The following DNAH11 variants were observed in gnomAD, a reference collection of about 807,000 sequenced individuals.
The protein encoded by DNAH11 is axonemal beta dynein heavy chain 11.
Under a neutral mutation model 526.0 loss-of-function variants are expected in DNAH11, and 442 were observed. The observed-to-expected ratio is 0.84, with a 90% CI of 0.78 to 0.91. DNAH11 has a LOEUF of 0.91. DNAH11 is among the 40% of genes least tolerant of loss of function. The pLI is 0.00. For missense variants in DNAH11, 6,989 were observed against 5,448.7 expected (o/e 1.28, Z -8.90); for synonymous variants, 2,461 against 1,935.9 (o/e 1.27, Z -7.12).
Position 21,787,449 on chromosome 7 carries a change from C to G in DNAH11, c.9790C>G (p.Pro3264Ala), listed in dbSNP as rs571709285. Residue 3264 changes from proline to alanine, a missense_variant, in exon 60 of 82, where the codon CCA becomes GCA. Transcript: ENST00000409508. ...ALINYDKEHI[P>A]ENCLKVVNEH... ...AATTAACTATGACAAAGAGCACATT[C>G]CAGAGAACTGTCTAAAAGTGGTGAA... 13 of 1,613,030 alleles carry G rather than the reference C, an allele frequency of 8.1e-6. No individual in the cohort carries two copies. The highest frequency in any genetic ancestry group is 1.0e-5 in the Non-Finnish European group (12 of 1,179,452).
chr7:21,783,126 ATCTGTAGCAGTGT>A (rs1788026085), intron 57 of DNAH11, among the ~76,000 whole-genome samples: 1 of 152,156 alleles, frequency 6.6e-6, no homozygotes, highest in Non-Finnish European at 1.5e-5. Flanking sequence ...AAACTCTTTT[ATCTGTAGCAGTGT>A]TCTGTAGCAT....
At chr7:21,754,531 T>C (rs1786542844) in intron 54 of DNAH11, among the ~76,000 whole-genome samples, 1 of 152,078 alleles carries the variant, frequency 6.6e-6, no homozygotes, top group Non-Finnish European at 1.5e-5. Flanking sequence ...CAATACAAGA[T>C]GGAATTTATT....
At chr7:21,865,092 A>G (rs1783221945) in intron 70 of DNAH11, among the ~76,000 whole-genome samples, 1 of 151,522 alleles carries the variant, frequency 6.6e-6, no homozygotes, top group Non-Finnish European at 1.5e-5. Flanking sequence ...AATGTTTAAG[A>G]AAAACAGAAT....
intron 36 of DNAH11, among the ~76,000 whole-genome samples, chr7:21,701,097 TAAACAA>T (rs1391351815): frequency 6.6e-6 from 1 of 151,516 alleles, no homozygotes; most frequent in Non-Finnish European, 1.5e-5. Context: ...TCCCGAAACT[TAAACAA>T]CAACAACAAC....
At chr7:21,893,014 C>T (rs1435046594) in intron 77 of DNAH11, among the ~76,000 whole-genome samples, 1 of 152,152 alleles carries the variant, frequency 6.6e-6, no homozygotes, top group Non-Finnish European at 1.5e-5. Flanking sequence ...TGTTCATGTA[C>T]CAATGGTTCA....
intron 18 of DNAH11, among the ~76,000 whole-genome samples, chr7:21,605,471 A>G (rs1396583624): frequency 1.3e-5 from 2 of 152,206 alleles, no homozygotes; most frequent in Admixed American, 1.3e-4. Flanking sequence ...GGGAGAGCAG[A>G]GTTGAGTTGG....
intron 54 of DNAH11, among the ~76,000 whole-genome samples, chr7:21,763,167 C>A (rs1371838086): frequency 6.6e-6 from 1 of 151,734 alleles, no homozygotes; most frequent in East Asian, 1.9e-4. Flanking sequence ...CATAGTAAAA[C>A]CCTGTCTCTA....
chr7:21,886,057 C>A (rs987280845), intron 76 of DNAH11, among the ~76,000 whole-genome samples: 3 of 152,160 alleles, frequency 2.0e-5, no homozygotes, highest in Non-Finnish European at 4.4e-5. Context: ...CGTAAAGCAC[C>A]TGTACACCAT....
chr7:21,684,935 C>T (rs1783306572), intron 32 of DNAH11, among the ~76,000 whole-genome samples: 3 of 152,152 alleles, frequency 2.0e-5, no homozygotes, highest in African/African-American at 4.8e-5. Context: ...AGCTGCATGC[C>T]CAATTATCCA....
At chr7:21,568,550 G>A (rs1380075754) in intron 6 of DNAH11, among the ~76,000 whole-genome samples, 2 of 152,148 alleles carry the variant, frequency 1.3e-5, no homozygotes, top group African/African-American at 4.8e-5. Context: ...CGTGCAAGGA[G>A]ACAGACTGAG....
Position 21,600,863 on chromosome 7 carries a change from A to G in DNAH11, c.3188A>G (p.Glu1063Gly), listed in dbSNP as rs772305648. The change falls in exon 16 of 82, where the codon GAA (glutamate) becomes GGA (glycine). Residue 1063 changes from glutamate to glycine, a missense_variant. Physicochemically the swap from Glu to Gly is moderately conservative, Grantham distance 98. Transcript: ENST00000409508. ...TATGGCCATGCTGTGTCTTCCGATG[A>G]AATGGATGCTCATGCAAATGAAGAA... is the stretch of plus-strand genomic sequence containing the variant. ...LLYGHAVSSD[E>G]MDAHANEEIP... The G allele has an allele frequency of 6.2e-7, 1 of 1,613,976 alleles. No homozygotes were observed. Among genetic ancestry groups the G allele is most frequent in the South Asian group, 1.1e-5 (1 of 91,086 alleles).
intron 30 of DNAH11, among the ~76,000 whole-genome samples, chr7:21,668,957 C>T (rs1207567008): frequency 6.6e-6 from 1 of 152,164 alleles, no homozygotes; most frequent in Admixed American, 6.5e-5. Flanking sequence ...AACCGAATTT[C>T]AGTTGCTTTA....
At position 21,784,523 on chromosome 7, in the gene DNAH11, C is replaced by G; in HGVS notation, c.9580C>G (p.Leu3194Val). 6.2e-7 allele frequency: 1 copy of G among 1,609,672 alleles called. No individual in the cohort carries two copies. The highest frequency in any genetic ancestry group is 8.5e-7 in the Non-Finnish European group (1 of 1,177,640). ...EPALVAATAA[L>V]NTLNRVNLSE... Reference sequence around the variant, plus strand: ...TGCACTGGTGGCTGCTACAGCTGCACTCAATACACTCAACAGGGTAAAGAT... The same window carrying G: ...TGCACTGGTGGCTGCTACAGCTGCAGTCAATACACTCAACAGGGTAAAGAT... Residue 3194 changes from leucine (L) to valine (V), a missense_variant, in exon 58 of 82, where the codon CTC becomes GTC. Physicochemically the swap from Leu to Val is conservative, Grantham distance 32. Transcript: ENST00000409508.
chr7:21,650,647 T>C lies in DNAH11; in HGVS notation c.4945-5185T>C, dbSNP rs556605294. Among the ~76,000 whole-genome samples the C allele has an allele frequency of 4.0e-5, 6 of 151,746 alleles. No homozygotes were observed. In the East Asian group the frequency reaches 1.2e-3, roughly 29 times the overall value. ...TTAATTTTATTATTTTATTATTATT[T>C]TTTTCTTTGGAGATGGAGTTTCGTT... On this transcript the variant is annotated intron_variant, in intron 28 of 81. Transcript: ENST00000409508.
intron 71 of DNAH11, among the ~76,000 whole-genome samples, chr7:21,867,532 T>G (rs1366330023): frequency 1.3e-5 from 2 of 152,114 alleles, no homozygotes; most frequent in East Asian, 3.9e-4. Context: ...TCTAATGAAC[T>G]GTTAATAAGT....
chr7:21,551,699 A>G (rs1385409251), intron 2 of DNAH11, among the ~76,000 whole-genome samples: 1 of 152,184 alleles, frequency 6.6e-6, no homozygotes, highest in Non-Finnish European at 1.5e-5. Context: ...ACCTATCCAC[A>G]AATAGCCTTA....
rs540670187 is a variant in DNAH11, at chr7:21,839,343, G to A, written c.10692-3201G>A. On this transcript the variant is annotated intron_variant, in intron 65 of 81. Transcript: ENST00000409508. Reference sequence around the variant, plus strand: ...TAATCCCAGCACTTTGGTAGGCTGAGGGGGGCAAATCACGAGGTCAGGAGT... The same window carrying A: ...TAATCCCAGCACTTTGGTAGGCTGAAGGGGGCAAATCACGAGGTCAGGAGT... Among the ~76,000 whole-genome samples the A allele has an allele frequency of 7.2e-4, 110 of 152,168 alleles. 1 individual carries two copies. The highest frequency in any genetic ancestry group is 2.6e-3 in the African/African-American group (110 of 41,526).
At chr7:21,830,984 G>A (rs10485985) in intron 65 of DNAH11, among the ~76,000 whole-genome samples, 1 of 152,060 alleles carries the variant, frequency 6.6e-6, no homozygotes, top group South Asian at 2.1e-4. Context: ...CACTCCTGCA[G>A]AGGGATGTAT....
chr7:21,877,212 T>C (rs1205764936), intron 74 of DNAH11, among the ~76,000 whole-genome samples: 4 of 152,098 alleles, frequency 2.6e-5, no homozygotes, highest in Non-Finnish European at 5.9e-5. Flanking sequence ...ATTTTTCAAA[T>C]CTAATTAAAC....
Sources: allele counts gnomAD v4.1 joint callset (sites outside exome capture counted in the v4.1 genomes callset), GRCh38; gene constraint gnomAD v4.1.1; transcripts MANE v1.5; gene names NCBI Gene and HGNC (gene_info 2026-07-23, HGNC 2026-07-21).